Variants in SLCO1A2 observed in about 807,000 individuals in gnomAD.
SLCO1A2 encodes solute carrier organic anion transporter family member 1A2.
A neutral mutation model predicts 69.0 loss-of-function variants in SLCO1A2; 67 were observed. The observed-to-expected ratio is 0.97, with a 90% CI of 0.80 to 1.19. The LOEUF is 1.19. Ranked by LOEUF, SLCO1A2 falls within the 50% of genes most tolerant of loss-of-function variation. The pLI, the probability that SLCO1A2 is intolerant of heterozygous loss-of-function variation, is 0.00. For synonymous variants in SLCO1A2, 260 were observed against 265.9 expected, an observed-to-expected ratio of 0.98 and a Z score of 0.22; for missense variants, 787 against 793.7, an observed-to-expected ratio of 0.99 and a Z score of 0.10.
chr12:21,306,145 G>A (rs1047900927), intron 5 of SLCO1A2, among the ~76,000 whole-genome samples: 7 of 152,144 alleles, frequency 4.6e-5, no homozygotes, highest in Non-Finnish European at 7.3e-5. Context: ...GAACTATAGC[G>A]TACTTGCCTG....
At chr12:21,297,210 TTTCC>T (rs1565480008) in intron 9 of SLCO1A2, among the ~76,000 whole-genome samples, 190 bp downstream of exon 9, 1 of 141,544 alleles carries the variant, frequency 7.1e-6, no homozygotes, top group Non-Finnish European at 1.5e-5. Flanking sequence ...TCTTTCCTTC[TTTCC>T]TTCCTTCTTT....
intron 2 of SLCO1A2, among the ~76,000 whole-genome samples, chr12:21,354,231 G>A (rs182196543): frequency 4.6e-5 from 7 of 152,226 alleles, no homozygotes; most frequent in Non-Finnish European, 1.0e-4. Context: ...ACACTGTGCC[G>A]ACAATTATAT....
chr12:21,274,343 A>G, intron 14 of SLCO1A2, 126 bp downstream of exon 14: 1 of 563,180 alleles, frequency 1.8e-6, no homozygotes. Flanking sequence ...TAACATCAGT[A>G]TCTCTGCTGG....
At chr12:21,299,890 G>GCA (rs1948429905) in intron 8 of SLCO1A2, among the ~76,000 whole-genome samples, 1 of 141,248 alleles carries the variant, frequency 7.1e-6, no homozygotes, top group African/African-American at 2.6e-5. Context: ...ATATATACGT[G>GCA]TATATATATA....
At chr12:21,373,250 C>A in intron 2 of SLCO1A2, 1 of 850,976 alleles carries the variant, frequency 1.2e-6, no homozygotes, top group Non-Finnish European at 2.0e-6. Flanking sequence ...AAAGATGTTT[C>A]TTTTAAAAAC....
rs1949136872 is a variant in SLCO1A2, at chr12:21,304,697, T to C, written c.443-124A>G. On this transcript the variant is annotated intron_variant, in intron 5 of 14. Coordinates refer to ENST00000683939, the MANE Select transcript of SLCO1A2 (RefSeq NM_001386879.1). The stretch of plus-strand genomic sequence containing the variant: ...CATGGCCCCTTGTCAATGATTTATA[T>C]TACTATTCCAGCAGTGACTTCTCAG... The C allele has an allele frequency of 1.1e-5, 10 of 920,896 alleles. No homozygotes were observed. In the South Asian group the frequency reaches 1.6e-4, roughly 15 times the overall value. 57.0% of individuals were successfully genotyped at this position (920,896 alleles called of 1,614,324 possible).
At chr12:21,271,651 A>G (rs926953118) in intron 14 of SLCO1A2, among the ~76,000 whole-genome samples, 4 of 148,086 alleles carry the variant, frequency 2.7e-5, no homozygotes, top group Non-Finnish European at 4.5e-5. Flanking sequence ...ATCTTTATAT[A>G]CATATGTGTA....
At chr12:21,352,914 T>A (rs1391476990) in intron 2 of SLCO1A2, among the ~76,000 whole-genome samples, 1 of 152,212 alleles carries the variant, frequency 6.6e-6, no homozygotes, top group Non-Finnish European at 1.5e-5. Context: ...AAACCACTGA[T>A]CTTCAAAGAC....
At chr12:21,366,156 C>G (rs1007815395) in intron 2 of SLCO1A2, among the ~76,000 whole-genome samples, 3 of 152,274 alleles carry the variant, frequency 2.0e-5, no homozygotes, top group African/African-American at 7.2e-5. Flanking sequence ...ACCCAAATGT[C>G]CATCAGTGAT....
upstream of SLCO1A2, among the ~76,000 whole-genome samples, chr12:21,396,006 G>C (rs538106405): frequency 0.032 from 4,860 of 150,740 alleles, 115 homozygotes; most frequent in Non-Finnish European, 0.047. Context: ...ACCAGCAACG[G>C]AACAAAGCTG....
chr12:21,360,207 A>C (rs1313999689), intron 2 of SLCO1A2, among the ~76,000 whole-genome samples: 1 of 152,216 alleles, frequency 6.6e-6, no homozygotes, highest in African/African-American at 2.4e-5. Context: ...ACATTTTAGA[A>C]GGATGGAAAT....
At chr12:21,272,635 C>A (rs1216596632) in intron 14 of SLCO1A2, among the ~76,000 whole-genome samples, 1 of 151,914 alleles carries the variant, frequency 6.6e-6, no homozygotes. Context: ...CTTTTCAAAA[C>A]CTTATCTTCA....
At chr12:21,281,532 G>C (rs528905687) in intron 12 of SLCO1A2, among the ~76,000 whole-genome samples, 5 of 151,660 alleles carry the variant, frequency 3.3e-5, no homozygotes, top group Non-Finnish European at 7.4e-5. Flanking sequence ...AAAATTAGTA[G>C]AAGAAAAGAA....
chr12:21,273,256 C>CTT (rs996698278), intron 14 of SLCO1A2, among the ~76,000 whole-genome samples: 1 of 152,086 alleles, frequency 6.6e-6, no homozygotes, highest in African/African-American at 2.4e-5. Flanking sequence ...GAGACATTTT[C>CTT]TTATCATCAT....
intron 1 of SLCO1A2, among the ~76,000 whole-genome samples, chr12:21,384,801 T>G (rs1420948934): frequency 6.6e-6 from 1 of 150,836 alleles, no homozygotes; most frequent in Non-Finnish European, 1.5e-5. Context: ...AGTCTCGTTC[T>G]GTCACTCAGG....
chr12:21,384,851 C>T (rs1398721565), intron 1 of SLCO1A2, among the ~76,000 whole-genome samples: 1 of 151,348 alleles, frequency 6.6e-6, no homozygotes, highest in African/African-American at 2.4e-5. Context: ...CTTCAAGCTC[C>T]GCCTTCCAGG....
Position 21,318,795 on chromosome 12 carries a change from T to A in SLCO1A2, c.189A>T (p.Gly63=), listed in dbSNP as rs771451105. ...ATAATTCATTACCAATCTCAAAGCT[T>A]CCATTAATGAATCCAACTAGAGATG... The part of the protein sequence containing the change: ...IPTSLVGFIN[G]SFEIGNLLLI... The change falls in exon 3 of 15, where the codon GGA becomes GGT. Residue 63 remains glycine, a synonymous_variant. Coordinates refer to ENST00000683939, the MANE Select transcript of SLCO1A2 (RefSeq NM_001386879.1). 6.3e-7 allele frequency: 1 copy of A among 1,597,220 alleles called. No homozygotes were observed. The highest frequency in any genetic ancestry group is 8.5e-7 in the Non-Finnish European group (1 of 1,175,358).
chr12:21,267,126 G>T lies in SLCO1A2; in HGVS notation c.*2422C>A, dbSNP rs149765825. ...AAAAGAGGTCATGAGGGATCCCAAAGCACTCCAACACCCACTTTCTCTGAC... is the reference window on the plus strand; with the variant it reads ...AAAAGAGGTCATGAGGGATCCCAAATCACTCCAACACCCACTTTCTCTGAC... On this transcript the variant is annotated 3_prime_UTR_variant, in exon 15 of 15. Coordinates refer to ENST00000683939, the MANE Select transcript of SLCO1A2 (RefSeq NM_001386879.1). 1 of 152,172 alleles carries T rather than the reference G, an allele frequency of 6.6e-6. No individual in the cohort carries two copies. Among genetic ancestry groups the T allele is most frequent in the African/African-American group, 2.4e-5 (1 of 41,492 alleles). 9.4% of individuals were successfully genotyped at this position (152,172 alleles called of 1,614,324 possible).
intron 2 of SLCO1A2, among the ~76,000 whole-genome samples, chr12:21,331,459 G>C (rs1338027269): frequency 6.6e-6 from 1 of 152,078 alleles, no homozygotes; most frequent in Non-Finnish European, 1.5e-5. Context: ...ATTCTCATTT[G>C]AATTTGGCCA....
Sources: allele counts gnomAD v4.1 joint callset (sites outside exome capture counted in the v4.1 genomes callset), GRCh38; gene constraint gnomAD v4.1.1; transcripts MANE v1.5; gene names NCBI Gene and HGNC (gene_info 2026-07-23, HGNC 2026-07-21).